CSF1: variants seen among roughly 807,000 people sequenced by gnomAD.
The protein encoded by CSF1 is colony stimulating factor 1.
A neutral mutation model predicts 48.9 loss-of-function variants in CSF1; 9 were observed. The observed-to-expected ratio is 0.18, with a 90% CI of 0.11 to 0.32. CSF1 has a LOEUF of 0.32. Among genes scored for constraint, CSF1 ranks in the 10% least tolerant of loss-of-function variants. The pLI, the probability that CSF1 is intolerant of heterozygous loss-of-function variation, is 1.00. For missense variants in CSF1, 672 were observed against 697.9 expected (o/e 0.96, Z 0.42); for synonymous variants, 305 against 284.1 (o/e 1.07, Z -0.74).
At position 109,930,200 on chromosome 1, in the gene CSF1, C is replaced by T. The variant is rs890232410; in HGVS notation, c.*1362C>T. ...CATCCACTTCTCACCCTTCTTTCCT[C>T]CTGACCTTGGTCAGCAGTGATGACC... On this transcript the variant is annotated 3_prime_UTR_variant, in exon 9 of 9. Coordinates refer to ENST00000329608, the MANE Select transcript of CSF1 (RefSeq NM_000757.6). 1 of 152,396 alleles carries T rather than the reference C, an allele frequency of 6.6e-6. No homozygotes were observed. The highest frequency in any genetic ancestry group is 2.4e-5 in the African/African-American group (1 of 41,460). 9.4% of individuals were successfully genotyped at this position (152,396 alleles called of 1,614,324 possible).
chr1:109,927,037 G>C (rs1453922056), intron 8 of CSF1, among the ~76,000 whole-genome samples: 1 of 152,192 alleles, frequency 6.6e-6, no homozygotes, highest in Non-Finnish European at 1.5e-5. Flanking sequence ...CTGACTGACT[G>C]GCTGACCAGC....
At chr1:109,918,360 G>A (rs959597480) in intron 4 of CSF1, among the ~76,000 whole-genome samples, 1 of 152,182 alleles carries the variant, frequency 6.6e-6, no homozygotes, top group Admixed American at 6.5e-5. Flanking sequence ...TTAAGGGTGA[G>A]GGAAGCTGTT....
chr1:109,917,259 G>A, intron 3 of CSF1, 34 bp from the exon 4 acceptor site: 3 of 1,604,192 alleles, frequency 1.9e-6, no homozygotes, highest in Non-Finnish European at 2.6e-6. Context: ...GGCCACAATG[G>A]CCAGGCCATA....
At chr1:109,925,895 T>C (rs1437957151) in intron 8 of CSF1, among the ~76,000 whole-genome samples, 1 of 152,094 alleles carries the variant, frequency 6.6e-6, no homozygotes, top group East Asian at 1.9e-4. Flanking sequence ...AACGTCTTCC[T>C]CATGCGAGGC....
intron 7 of CSF1, 132 bp downstream of exon 7, chr1:109,924,960 G>C: frequency 9.5e-7 from 1 of 1,049,708 alleles, no homozygotes; most frequent in Non-Finnish European, 1.4e-6. Context: ...GGGGAGAGAA[G>C]AAGGGCCTCT....
chr1:109,919,414 A>T (rs1251590116), intron 4 of CSF1, among the ~76,000 whole-genome samples: 1 of 152,096 alleles, frequency 6.6e-6, no homozygotes, highest in Non-Finnish European at 1.5e-5. Context: ...TTTTTTGTAG[A>T]GATAGGGTTT....
In CSF1 at chr1:109,917,457, T is replaced by C. The variant is rs766652122; in HGVS notation, c.390T>C (p.His130=). The part of the protein sequence containing the change: ...KSCFTKDYEE[H]DKACVRTFYE... ...GCTTCACCAAGGATTATGAAGAGCA[T>C]GACAAGGTAGGAAGCCCTGAGGCCT... is the stretch of plus-strand genomic sequence containing the variant. The change falls in exon 4 of 9, where the codon CAT becomes CAC. Residue 130 remains histidine, a synonymous_variant. Coordinates refer to ENST00000329608, the MANE Select transcript of CSF1 (RefSeq NM_000757.6). 1.1e-5 allele frequency: 18 copies of C among 1,613,884 alleles called. No individual in the cohort carries two copies. Among genetic ancestry groups the C allele is most frequent in the East Asian group, 6.7e-5 (3 of 44,892 alleles).
At position 109,929,496 on chromosome 1, in the gene CSF1, C is replaced by A. The variant is rs1647980818; in HGVS notation, c.*658C>A. 1.3e-5 allele frequency: 2 copies of A among 152,900 alleles called. No homozygotes were observed. Among genetic ancestry groups the A allele is most frequent in the Admixed American group, 6.5e-5 (1 of 15,280 alleles). The allele number at this position is 152,900 out of a possible 1,614,324, so 9.5% of individuals were successfully genotyped here. ...CTGGTTGCCAGGCGCAGAGGGGAGG[C>A]CAGCCCTGCCCTCAGGACCTGCCTG... On this transcript the variant is annotated 3_prime_UTR_variant, in exon 9 of 9. Transcript: ENST00000329608.
At chr1:109,919,926 C>CT in intron 4 of CSF1, among the ~76,000 whole-genome samples, 2 of 136,464 alleles carry the variant, frequency 1.5e-5, no homozygotes, top group South Asian at 4.7e-4. Context: ...AACTCCATCT[C>CT]AAAATAAATA....
At chr1:109,911,922 G>A (rs915451849) in intron 1 of CSF1, among the ~76,000 whole-genome samples, 2 of 152,140 alleles carry the variant, frequency 1.3e-5, no homozygotes, top group Non-Finnish European at 2.9e-5. Flanking sequence ...AGTGAGGGTG[G>A]CACTGTTCAT....
chr1:109,919,462 C>T (rs1373056467), intron 4 of CSF1, among the ~76,000 whole-genome samples: 1 of 152,168 alleles, frequency 6.6e-6, no homozygotes. Flanking sequence ...CTCCCAGGCT[C>T]AAGCAATCTG....
intron 3 of CSF1, 67 bp downstream of exon 3, chr1:109,915,763 G>C: frequency 1.5e-6 from 2 of 1,351,830 alleles, no homozygotes; most frequent in Non-Finnish European, 2.1e-6. Flanking sequence ...GGGGTGTGTG[G>C]GGGAGCATGA....
chr1:109,914,269 G>C lies in CSF1; in HGVS notation c.50G>C (p.Gly17Ala), dbSNP rs774978352. Reference protein sequence around the residue: ...AGRCPPTTWLGSLLLLVCLLA... With the variant: ...AGRCPPTTWLASLLLLVCLLA... ...CCCTCTCTGTCACAGACATGGCTGG[G>C]CTCCCTGCTGTTGTTGGTCTGTCTC... Residue 17 changes from glycine to alanine, a missense_variant, in exon 2 of 9, where the codon GGC becomes GCC. By Grantham distance (60) the Gly-to-Ala change is moderately conservative (BLOSUM62 0). Around this residue, in one of 3 missense-constraint regions of CSF1, gnomAD observed 53 missense variants for 45.5 expected, o/e 1.17. Transcript: ENST00000329608. 1.2e-6 allele frequency: 2 copies of C among 1,605,140 alleles called. No homozygotes were observed. Among genetic ancestry groups the C allele is most frequent in the Non-Finnish European group, 1.7e-6 (2 of 1,175,424 alleles).
chr1:109,921,533 T>C (rs1035693825), intron 4 of CSF1, among the ~76,000 whole-genome samples: 1 of 152,230 alleles, frequency 6.6e-6, no homozygotes, highest in Non-Finnish European at 1.5e-5. Flanking sequence ...CTTGTAACAA[T>C]GTGTTTAGTC....
At position 109,923,463 on chromosome 1, in the gene CSF1, G is replaced by A. The variant is rs760891140; in HGVS notation, c.842G>A (p.Arg281His). ...ACCATCGGTGGCTCACCACAGCCTC[G>A]CCCCTCTGTCGGGGCCTTCAACCCC... ...DSTIGGSPQP[R>H]PSVGAFNPGM... Residue 281 changes from arginine (R) to histidine (H), a missense_variant, in exon 6 of 9, where the codon CGC becomes CAC. Physicochemically the swap from Arg to His is conservative, Grantham distance 29. This residue lies in a region of CSF1 where 591 missense variants were observed against 593.6 expected (regional missense o/e 1.00). Transcript: ENST00000329608. 1.5e-5 allele frequency: 24 copies of A among 1,613,960 alleles called. No homozygotes were observed. Among genetic ancestry groups the A allele is most frequent in the Non-Finnish European group, 1.8e-5 (21 of 1,179,998 alleles).
At chr1:109,916,598 A>T (rs1438880869) in intron 3 of CSF1, among the ~76,000 whole-genome samples, 2 of 152,176 alleles carry the variant, frequency 1.3e-5, no homozygotes, top group Admixed American at 6.5e-5. Context: ...TTTATGCCTC[A>T]TGCAAAACTG....
At position 109,915,690 on chromosome 1, in the gene CSF1, A is replaced by G. The variant is rs778469916; in HGVS notation, c.219A>G (p.Glu73=). The G allele has an allele frequency of 2.5e-6, 4 of 1,613,424 alleles. No individual in the cohort carries two copies. The highest frequency in any genetic ancestry group is 1.1e-5 in the South Asian group (1 of 91,068). ...TTACATTTGAGTTTGTAGACCAGGAACAGTTGGTGAGTGATGGCTTTTTAC... is the reference window on the plus strand; with the variant it reads ...TTACATTTGAGTTTGTAGACCAGGAGCAGTTGGTGAGTGATGGCTTTTTAC... ...CQITFEFVDQ[E]QLKDPVCYLK... The change falls in exon 3 of 9, where the codon GAA becomes GAG. Residue 73 remains glutamate (E), a synonymous_variant. Transcript: ENST00000329608.
At position 109,924,757 on chromosome 1, in the gene CSF1, T is replaced by C. The variant is rs772299824; in HGVS notation, c.1570-19T>C. On this transcript the variant is annotated intron_variant, in intron 6 of 8. Coordinates refer to ENST00000329608, the MANE Select transcript of CSF1 (RefSeq NM_000757.6). ...ACACTCCCCCAGCTCCTCAGTGAGA[T>C]GCTCTTTCCTGTCCTCAGAGCCATC... 17 of 1,572,860 alleles carry C rather than the reference T, an allele frequency of 1.1e-5. No individual in the cohort carries two copies. Among genetic ancestry groups the C allele is most frequent in the Non-Finnish European group, 1.3e-5 (15 of 1,158,704 alleles).
intron 7 of CSF1, 44 bp from the exon 8 acceptor site, chr1:109,925,103 T>C: frequency 6.3e-7 from 1 of 1,580,810 alleles, no homozygotes; most frequent in Non-Finnish European, 8.7e-7. Flanking sequence ...CTTATTCCCC[T>C]GCTCCTGCTG....
Sources: allele counts gnomAD v4.1 joint callset (sites outside exome capture counted in the v4.1 genomes callset), GRCh38; gene constraint gnomAD v4.1.1; regional missense constraint gnomAD v4.1.1; transcripts MANE v1.5; gene names NCBI Gene and HGNC (gene_info 2026-07-23, HGNC 2026-07-21).